SUV39H2: variants seen among roughly 807,000 people sequenced by gnomAD.
SUV39H2 encodes the protein SUV39H2 histone lysine methyltransferase, also known as histone-lysine N-methyltransferase SUV39H2.
In SUV39H2, 10 loss-of-function variants were observed where a neutral mutation model predicts 47.5. That is an observed-to-expected ratio of 0.21 (90% CI 0.13 to 0.36). The LOEUF is 0.36. Ranked by LOEUF, SUV39H2 falls within the 10% of genes least tolerant of loss-of-function variation. The pLI is 1.00. For missense variants in SUV39H2, 266 were observed against 487.4 expected, an observed-to-expected ratio of 0.55 and a Z score of 4.28; for synonymous variants, 159 against 166.8, an observed-to-expected ratio of 0.95 and a Z score of 0.36.
intron 1 of SUV39H2, chr10:14,879,162 T>A (rs1588828938): frequency 8.4e-7 from 1 of 1,188,376 alleles, no homozygotes; most frequent in African/African-American, 1.6e-5. Context: ...ACTTCGGAAG[T>A]GGAGCGTGGC....
chr10:14,889,852 A>G (rs1833331423), intron 2 of SUV39H2, among the ~76,000 whole-genome samples: 1 of 152,220 alleles, frequency 6.6e-6, no homozygotes. Context: ...TCTCAATGCA[A>G]GGTGATTTTT....
intron 2 of SUV39H2, among the ~76,000 whole-genome samples, chr10:14,886,197 C>G (rs1588836727): frequency 2.6e-5 from 4 of 152,324 alleles, no homozygotes; most frequent in African/African-American, 9.6e-5. Flanking sequence ...ATATCATGCA[C>G]TTTTGTGTCC....
At chr10:14,896,368 T>A (rs1833611048) in intron 2 of SUV39H2, among the ~76,000 whole-genome samples, 1 of 152,238 alleles carries the variant, frequency 6.6e-6, no homozygotes. Flanking sequence ...AGAGAATGTG[T>A]GCCCATGATG....
At chr10:14,895,823 A>G (rs1393443890) in intron 2 of SUV39H2, among the ~76,000 whole-genome samples, 3 of 152,106 alleles carry the variant, frequency 2.0e-5, no homozygotes, top group East Asian at 1.9e-4. Flanking sequence ...TTGATCCAAT[A>G]TATCCAAAAT....
intron 2 of SUV39H2, among the ~76,000 whole-genome samples, chr10:14,893,867 TG>T (rs1833474413): frequency 6.6e-6 from 1 of 152,228 alleles, no homozygotes. Flanking sequence ...CAGTGGCAGA[TG>T]TTTTTAGTGT....
At chr10:14,879,701 TG>T (rs1182139962) in intron 1 of SUV39H2, 1 of 152,102 alleles carries the variant, frequency 6.6e-6, no homozygotes, top group Admixed American at 6.5e-5. Context: ...AATGTAAAGG[TG>T]TTTTCAAGCT....
rs893678468 is a variant in SUV39H2, at chr10:14,903,141, A to G, written c.*629A>G. 3.3e-5 allele frequency: 5 copies of G among 152,230 alleles called. No individual in the cohort carries two copies. The highest frequency in any genetic ancestry group is 7.3e-5 in the Non-Finnish European group (5 of 68,052). The allele number at this position is 152,230 out of a possible 1,614,324, so 9.4% of individuals were successfully genotyped here. On this transcript the variant is annotated 3_prime_UTR_variant, in exon 6 of 6. Coordinates refer to ENST00000354919, the MANE Select transcript of SUV39H2 (RefSeq NM_001193424.2). ...CAATCTAGACTGTTGTGATGAGTGT[A>G]TGTCTGAACCTGTAATTCTTAAAAG... is the stretch of plus-strand genomic sequence containing the variant.
intron 5 of SUV39H2, among the ~76,000 whole-genome samples, chr10:14,901,573 A>G (rs2131724406): frequency 6.6e-6 from 1 of 151,028 alleles, no homozygotes; most frequent in Middle Eastern, 3.4e-3. Context: ...ATTGTGGGCT[A>G]AGCATGCTGG....
At chr10:14,891,938 C>G (rs2131687161) in intron 2 of SUV39H2, among the ~76,000 whole-genome samples, 1 of 152,300 alleles carries the variant, frequency 6.6e-6, no homozygotes, top group Admixed American at 6.5e-5. Flanking sequence ...AACCCGGAAT[C>G]TAAATATCCT....
At chr10:14,888,472 A>G (rs996973635) in intron 2 of SUV39H2, among the ~76,000 whole-genome samples, 1 of 151,966 alleles carries the variant, frequency 6.6e-6, no homozygotes, top group African/African-American at 2.4e-5. Context: ...CGTCTCTACT[A>G]AAAATATAAA....
Position 14,902,600 on chromosome 10 carries a change from CA to C in SUV39H2, c.*90del. 2 of 784,450 alleles carry C rather than the reference CA, an allele frequency of 2.5e-6. No individual in the cohort carries two copies. The highest frequency in any genetic ancestry group is 4.7e-5 in the South Asian group (2 of 42,532). The allele number at this position is 784,450 out of a possible 1,614,324, so 48.6% of individuals were successfully genotyped here. On this transcript the variant is annotated 3_prime_UTR_variant, in exon 6 of 6. Coordinates refer to ENST00000354919, the MANE Select transcript of SUV39H2 (RefSeq NM_001193424.2). ...AATACATATTTGGGACTCTTATTAT[CA>C]AGGTTCTACCTATGTTAATTTACAA...
intron 1 of SUV39H2, among the ~76,000 whole-genome samples, chr10:14,879,619 G>C (rs990258071): frequency 1.3e-5 from 2 of 152,086 alleles, no homozygotes; most frequent in African/African-American, 4.8e-5. Flanking sequence ...CCGAGCGCGC[G>C]TGGGTGTGGG....
At chr10:14,893,808 C>G (rs1348547411) in intron 2 of SUV39H2, among the ~76,000 whole-genome samples, 1 of 152,154 alleles carries the variant, frequency 6.6e-6, no homozygotes, top group Non-Finnish European at 1.5e-5. Flanking sequence ...ATTTAAAATG[C>G]AAGTGATTCA....
At chr10:14,884,562 A>T (rs957642932) in intron 2 of SUV39H2, among the ~76,000 whole-genome samples, 1 of 152,306 alleles carries the variant, frequency 6.6e-6, no homozygotes. Flanking sequence ...CAAATCCCTT[A>T]TTAGTATGTG....
At chr10:14,892,218 A>G (rs541201052) in intron 2 of SUV39H2, among the ~76,000 whole-genome samples, 126 of 152,294 alleles carry the variant, frequency 8.3e-4, no homozygotes, top group Admixed American at 1.4e-3. Context: ...TGGGTTTGGC[A>G]ATTAATAGAT....
chr10:14,883,574 G>T (rs112215966), intron 2 of SUV39H2, among the ~76,000 whole-genome samples: 5,888 of 151,270 alleles, frequency 0.039, 197 homozygotes, highest in Non-Finnish European at 0.057. Context: ...GCATGGTGGC[G>T]GGCCCCTGTA....
At chr10:14,886,987 G>A (rs1833230678) in intron 2 of SUV39H2, among the ~76,000 whole-genome samples, 1 of 152,190 alleles carries the variant, frequency 6.6e-6, no homozygotes, top group African/African-American at 2.4e-5. Context: ...GAAAGAAAGA[G>A]GTGAGTGAAG....
intron 2 of SUV39H2, among the ~76,000 whole-genome samples, chr10:14,885,701 C>T (rs1437225348): frequency 6.6e-6 from 1 of 152,214 alleles, no homozygotes; most frequent in Non-Finnish European, 1.5e-5. Context: ...CTGTCTGGCA[C>T]AGATATTGAA....
chr10:14,895,373 G>A (rs891285014), intron 2 of SUV39H2, among the ~76,000 whole-genome samples: 10 of 151,838 alleles, frequency 6.6e-5, no homozygotes, highest in East Asian at 5.8e-4. Context: ...ACAGGGTTTC[G>A]CCATATTGGC....
Sources: gnomAD v4.1 joint callset for allele counts (sites outside exome capture counted in the v4.1 genomes callset) on GRCh38, gnomAD v4.1.1 for gene constraint, MANE v1.5 for transcripts, NCBI Gene and HGNC (gene_info 2026-07-23, HGNC 2026-07-21) for gene names.